TENM1: variants seen among roughly 807,000 people sequenced by gnomAD.
The protein encoded by TENM1 is teneurin transmembrane protein 1.
In TENM1, 35 loss-of-function variants were observed where a neutral mutation model predicts 174.8. The ratio of observed to expected loss-of-function variants is 0.20; its 90% CI spans 0.15 to 0.27. The LOEUF is 0.27. TENM1 is among the 10% of genes least tolerant of loss of function. The pLI is 1.00. For synonymous variants in TENM1, 781 were observed against 798.7 expected, an observed-to-expected ratio of 0.98 and a Z score of 0.37; for missense variants, 1,633 against 2,130.1, an observed-to-expected ratio of 0.77 and a Z score of 4.59.
the TENM1 span, among the ~76,000 whole-genome samples, chrX:125,172,260 A>T: frequency 9.0e-6 from 1 of 110,817 alleles, no homozygotes; most frequent in Non-Finnish European, 1.9e-5. Context: ...GTGGCCTAAG[A>T]CTTTACAACA....
At chrX:124,503,565 T>C in exon 19 of TENM1, 1 of 1,204,926 alleles carries the variant, frequency 8.3e-7, no homozygotes. Flanking sequence ...CTTACCACTT[T>C]GAGGATTCAA....
At chrX:125,097,990 G>A in the TENM1 span, among the ~76,000 whole-genome samples, 2 of 112,613 alleles carry the variant, frequency 1.8e-5, no homozygotes, top group African/African-American at 3.2e-5. Flanking sequence ...TCGGCCGGGC[G>A]CGGTGGCTCA....
intron 22 of TENM1, among the ~76,000 whole-genome samples, chrX:124,479,450 G>A (rs1426374855): frequency 8.9e-6 from 1 of 111,788 alleles, no homozygotes; most frequent in African/African-American, 3.3e-5. Context: ...CAAGACAAAG[G>A]AAAATGTAGT....
At chrX:125,100,298 A>T in the TENM1 span, among the ~76,000 whole-genome samples, 1 of 111,978 alleles carries the variant, frequency 8.9e-6, no homozygotes, top group Admixed American at 9.5e-5. Context: ...AAGTTGGGAG[A>T]GACAGTGGAG....
intron 28 of TENM1, among the ~76,000 whole-genome samples, chrX:124,386,535 T>C (rs1180292390): frequency 1.8e-5 from 2 of 110,350 alleles, no homozygotes; most frequent in African/African-American, 6.6e-5. Context: ...GAACACGGCT[T>C]TTTCAGAGAA....
intron 22 of TENM1, among the ~76,000 whole-genome samples, chrX:124,466,848 G>C (rs1188338170): frequency 1.8e-5 from 2 of 111,551 alleles, no homozygotes; most frequent in African/African-American, 6.5e-5. Flanking sequence ...TTGCTCAAGA[G>C]AACACAGAGA....
chrX:124,602,084 A>C (rs2050041171), intron 11 of TENM1, among the ~76,000 whole-genome samples: 1 of 111,196 alleles, frequency 9.0e-6, no homozygotes, highest in African/African-American at 3.3e-5. Flanking sequence ...GGCATCATTA[A>C]TCAGAACTTT....
chrX:124,655,223 G>T (rs975389009), intron 6 of TENM1, among the ~76,000 whole-genome samples: 30 of 111,671 alleles, frequency 2.7e-4, no homozygotes, highest in African/African-American at 9.4e-4. Context: ...TTTAGACAGT[G>T]CTAATAGCAA....
chrX:124,844,483 G>T (rs1422715246), intron 3 of TENM1, among the ~76,000 whole-genome samples: 1 of 111,268 alleles, frequency 9.0e-6, no homozygotes, highest in Non-Finnish European at 1.9e-5. Context: ...TCTTGGTCTT[G>T]ATGGACTGTG....
chrX:125,151,931 G>C, the TENM1 span, among the ~76,000 whole-genome samples: 1 of 111,723 alleles, frequency 9.0e-6, no homozygotes, highest in African/African-American at 3.3e-5. Flanking sequence ...AATAACTTTA[G>C]CTAAAATAGA....
chrX:124,791,544 T>C (rs2055179416), intron 3 of TENM1, among the ~76,000 whole-genome samples: 1 of 111,779 alleles, frequency 8.9e-6, no homozygotes, highest in South Asian at 3.7e-4. Context: ...TCATCTTAAG[T>C]AGTTTTTTAA....
chrX:125,089,037 T>A, the TENM1 span, among the ~76,000 whole-genome samples: 1 of 111,074 alleles, frequency 9.0e-6, no homozygotes, highest in Non-Finnish European at 1.9e-5. Context: ...CTAAATGGGA[T>A]GCCAAAAAGA....
chrX:125,058,680 A>T, the TENM1 span, among the ~76,000 whole-genome samples: 469 of 110,826 alleles, frequency 4.2e-3, 5 homozygotes, highest in African/African-American at 0.014. Flanking sequence ...TAAAAAAACA[A>T]TATTGACTGA....
intron 6 of TENM1, among the ~76,000 whole-genome samples, chrX:124,655,302 A>C (rs2051413807): frequency 9.0e-6 from 1 of 111,529 alleles, no homozygotes; most frequent in Admixed American, 9.5e-5. Context: ...TTATTGTCAT[A>C]TTTTCCAATG....
At chrX:125,106,459 G>C in the TENM1 span, among the ~76,000 whole-genome samples, 40 of 106,904 alleles carry the variant, frequency 3.7e-4, no homozygotes, top group African/African-American at 1.2e-3. Flanking sequence ...GCCCAGGCTA[G>C]AGTGCAGTGG....
At chrX:124,382,284 C>T (rs1379350893) in intron 31 of TENM1, among the ~76,000 whole-genome samples, 1 of 111,289 alleles carries the variant, frequency 9.0e-6, no homozygotes, top group Non-Finnish European at 1.9e-5. Context: ...TTCCCATGCT[C>T]TTAAGACATC....
At chrX:124,769,391 C>T (rs1033012784) in intron 3 of TENM1, among the ~76,000 whole-genome samples, 20 of 111,547 alleles carry the variant, frequency 1.8e-4, no homozygotes, top group Non-Finnish European at 3.4e-4. Context: ...TCAACTCCCC[C>T]GTTAACTGCA....
intron 15 of TENM1, among the ~76,000 whole-genome samples, chrX:124,540,888 G>T (rs991547716): frequency 9.0e-6 from 1 of 111,410 alleles, no homozygotes; most frequent in Non-Finnish European, 1.9e-5. Context: ...TCCTGATATT[G>T]CTCCTTATAT....
chrX:124,447,588 G>C (rs970737377), intron 23 of TENM1, among the ~76,000 whole-genome samples: 7 of 112,066 alleles, frequency 6.2e-5, no homozygotes, highest in African/African-American at 2.3e-4. Context: ...TTAATGCTGT[G>C]AAATCTAATG....
Sources: gnomAD v4.1 joint callset for allele counts (sites outside exome capture counted in the v4.1 genomes callset) on GRCh38, gnomAD v4.1.1 for gene constraint, MANE v1.5 for transcripts, NCBI Gene and HGNC (gene_info 2026-07-23, HGNC 2026-07-21) for gene names.